The following QPRT variants were observed in gnomAD, a reference collection of about 807,000 sequenced individuals.
QPRT encodes the protein nicotinate-nucleotide pyrophosphorylase [carboxylating].
A neutral mutation model predicts 19.8 loss-of-function variants in QPRT; 17 were observed. The observed-to-expected ratio is 0.86, with a 90% confidence interval of 0.59 to 1.29. The LOEUF (loss-of-function observed/expected upper bound fraction) is 1.29. QPRT is among the 50% of genes most tolerant of loss of function. The probability of loss-of-function intolerance (pLI) is 0.00; values close to 1 mark genes in which losing one functional copy is unlikely to be tolerated. For synonymous variants in QPRT, 178 were observed against 191.0 expected, an observed-to-expected ratio of 0.93 and a Z score of 0.56; for missense variants, 336 against 405.1, an observed-to-expected ratio of 0.83 and a Z score of 1.46.
chr16:29,695,347 T>C, intron 2 of QPRT, 148 bp downstream of exon 2: 2 of 966,626 alleles, frequency 2.1e-6, no homozygotes, highest in Admixed American at 6.0e-5. Flanking sequence ...AGCTCCTCCA[T>C]CTGAGCTGGG....
Position 29,694,663 on chromosome 16 carries a change from G to C in QPRT, c.14-1G>C. The C allele has an allele frequency of 1.3e-6, 2 of 1,539,154 alleles. No individual in the cohort carries two copies. The highest frequency in any genetic ancestry group is 1.7e-6 in the Non-Finnish European group (2 of 1,143,034). On this transcript the variant is annotated splice_acceptor_variant, in intron 1 of 3. Transcript: ENST00000395384. LOFTEE classifies it high-confidence loss of function. The stretch of plus-strand genomic sequence containing the variant: ...CAACAGCTGTTCTCTCTTCCCCCCA[G>C]GCCTGGCGCTGCTGCTGCCGCCCGT...
Position 29,695,196 on chromosome 16 carries a change from G to T in QPRT, c.546G>T (p.Glu182Asp), listed in dbSNP as rs1284999325. 6.5e-7 allele frequency: 1 copy of T among 1,540,626 alleles called. No homozygotes were observed. The highest frequency in any genetic ancestry group is 8.8e-7 in the Non-Finnish European group (1 of 1,141,586). Residue 182 changes from glutamate (E) to aspartate (D), a missense_variant, in exon 2 of 4, where the codon GAG becomes GAT. Transcript: ENST00000395384. ...ATGTGGTGGCCGCCGGTGGCGTGGA[G>T]AAGGTGCTGGTCCTGCCTGTCCCTG... ...DNHVVAAGGV[E>D]KAVRAARQAA...
At chr16:29,683,189 T>C (rs1967064064) in intron 1 of QPRT, among the ~76,000 whole-genome samples, 1 of 151,824 alleles carries the variant, frequency 6.6e-6, no homozygotes, top group South Asian at 2.1e-4. Context: ...CACACATGGA[T>C]AAATTTTGTA....
At chr16:29,694,125 AT>A (rs922700591) in intron 1 of QPRT, among the ~76,000 whole-genome samples, 19 of 144,652 alleles carry the variant, frequency 1.3e-4, no homozygotes, top group African/African-American at 2.5e-4. Flanking sequence ...CAGAAGTTTA[AT>A]TTTTTTTTTT....
chr16:29,693,223 T>C (rs967195529), intron 1 of QPRT, among the ~76,000 whole-genome samples: 8 of 152,210 alleles, frequency 5.3e-5, no homozygotes, highest in African/African-American at 1.9e-4. Flanking sequence ...GTAGGTCTTA[T>C]TCATTCTTTC....
chr16:29,680,188 C>T (rs1355908526), intron 1 of QPRT, among the ~76,000 whole-genome samples: 1 of 151,944 alleles, frequency 6.6e-6, no homozygotes, highest in Non-Finnish European at 1.5e-5. Context: ...CATTTCCCAA[C>T]CTCGTGATCC....
chr16:29,683,186 G>A (rs1967063959), intron 1 of QPRT, among the ~76,000 whole-genome samples: 1 of 151,588 alleles, frequency 6.6e-6, no homozygotes, highest in African/African-American at 2.4e-5. Context: ...CACCACACAT[G>A]GATAAATTTT....
At chr16:29,691,068 GA>G (rs575478867) in intron 1 of QPRT, among the ~76,000 whole-genome samples, 1 of 149,882 alleles carries the variant, frequency 6.7e-6, no homozygotes, top group Non-Finnish European at 1.5e-5. Context: ...GAAAAAAAAA[GA>G]AAAAAATCAG....
intron 2 of QPRT, 83 bp downstream of exon 2, chr16:29,695,282 T>C: frequency 7.1e-7 from 1 of 1,400,444 alleles, no homozygotes. Context: ...CCTCCAGCCA[T>C]GACCGGGTGA....
chr16:29,688,396 G>A (rs1967224783), intron 1 of QPRT, among the ~76,000 whole-genome samples: 1 of 152,130 alleles, frequency 6.6e-6, no homozygotes, highest in South Asian at 2.1e-4. Flanking sequence ...GCTAAAATTG[G>A]ACGATGCAGA....
intron 2 of QPRT, chr16:29,696,744 G>C (rs1967547468): frequency 2.0e-5 from 8 of 409,964 alleles, no homozygotes; most frequent in Non-Finnish European, 3.5e-5. Flanking sequence ...TTGCACCACT[G>C]CACTCCAGCC....
intron 1 of QPRT, among the ~76,000 whole-genome samples, chr16:29,680,398 T>G (rs1409905907): frequency 6.6e-6 from 1 of 152,126 alleles, no homozygotes; most frequent in Admixed American, 6.6e-5. Context: ...GCAGGTCATG[T>G]TCACTGGCCT....
At chr16:29,694,144 A>T (rs1596796755) in intron 1 of QPRT, among the ~76,000 whole-genome samples, 1 of 147,982 alleles carries the variant, frequency 6.8e-6, no homozygotes. Context: ...TTTGAGACGG[A>T]GTCTTACTCT....
chr16:29,686,644 C>T (rs887212854), intron 1 of QPRT, among the ~76,000 whole-genome samples: 4 of 152,040 alleles, frequency 2.6e-5, no homozygotes, highest in African/African-American at 4.8e-5. Flanking sequence ...TACAGGCGCT[C>T]GGCTTTTTAT....
intron 1 of QPRT, among the ~76,000 whole-genome samples, chr16:29,684,236 G>A (rs1967096096): frequency 6.6e-6 from 1 of 151,994 alleles, no homozygotes; most frequent in Non-Finnish European, 1.5e-5. Flanking sequence ...AGCCTCCCGA[G>A]TAGCTGGCGA....
chr16:29,690,018 C>G (rs978739600), intron 1 of QPRT, among the ~76,000 whole-genome samples: 3 of 152,180 alleles, frequency 2.0e-5, no homozygotes, highest in African/African-American at 7.2e-5. Context: ...GCTACACTTG[C>G]CCTCCTCCAA....
chr16:29,679,072 C>A (rs2142291743), upstream of QPRT: 1 of 1,563,944 alleles, frequency 6.4e-7, no homozygotes, highest in Middle Eastern at 1.7e-4. Flanking sequence ...CTTGGGGAGC[C>A]TGGGAAGGGC....
upstream of QPRT, chr16:29,679,021 T>A: frequency 9.2e-7 from 1 of 1,082,450 alleles, no homozygotes; most frequent in African/African-American, 1.6e-5. Flanking sequence ...TTTCAGGGCC[T>A]GCTGAGGAAT....
chr16:29,685,463 C>T (rs889148751), intron 1 of QPRT, among the ~76,000 whole-genome samples: 42 of 152,098 alleles, frequency 2.8e-4, no homozygotes, highest in African/African-American at 8.7e-4. Context: ...AGTGAGACTC[C>T]GTCTCAAACA....
Sources: allele counts gnomAD v4.1 joint callset (sites outside exome capture counted in the v4.1 genomes callset), GRCh38; gene constraint gnomAD v4.1.1; transcripts MANE v1.5; gene names NCBI Gene and HGNC (gene_info 2026-07-23, HGNC 2026-07-21).